The following TMEM39A variants were observed in gnomAD, a reference collection of about 807,000 sequenced individuals.
TMEM39A encodes transmembrane protein 39A, also known as suppressor of SQST-1 aggregates in rpl-43 mutants.
In TMEM39A, 19 loss-of-function variants were observed where a neutral mutation model predicts 51.9. That is an observed-to-expected ratio of 0.37 (90% CI 0.26 to 0.54). The LOEUF (loss-of-function observed/expected upper bound fraction) is 0.54, where lower values mean the gene tolerates loss of function less well. TMEM39A is among the 20% of genes least tolerant of loss of function. The pLI, the probability that TMEM39A is intolerant of heterozygous loss-of-function variation, is 0.88. For missense variants in TMEM39A, 433 were observed against 590.5 expected (o/e 0.73, Z 2.76); for synonymous variants, 197 against 220.2 (o/e 0.89, Z 0.93).
At chr3:119,438,368 A>G (rs1444093179) in intron 5 of TMEM39A, among the ~76,000 whole-genome samples, 3 of 152,222 alleles carry the variant, frequency 2.0e-5, no homozygotes, top group Non-Finnish European at 2.9e-5. Flanking sequence ...ACTTAGCAAT[A>G]ATCATTTTTA....
intron 2 of TMEM39A, among the ~76,000 whole-genome samples, 169 bp downstream of exon 2, chr3:119,461,793 A>C (rs1394474034): frequency 6.6e-6 from 1 of 152,168 alleles, no homozygotes; most frequent in Non-Finnish European, 1.5e-5. Flanking sequence ...ACATCTTTTT[A>C]CCTCCAAAGT....
chr3:119,462,009 C>G lies in TMEM39A; in HGVS notation c.66G>C (p.Gln22His). 6.2e-7 allele frequency: 1 copy of G among 1,614,212 alleles called. No individual in the cohort carries two copies. The highest frequency in any genetic ancestry group is 1.3e-5 in the African/African-American group (1 of 75,064). The change falls in exon 2 of 9, where the codon CAG (glutamine) becomes CAC (histidine). Residue 22 changes from glutamine (Q) to histidine (H), a missense_variant. Physicochemically the swap from Gln to His is conservative, Grantham distance 24. Transcript: ENST00000319172. ...QLSRSALPSL[Q>H]TLVGGGCGNG... is the part of the protein sequence containing the mutation. ...TGCCACAGCCTCCACCAACCAAAGTCTGCAAAGAAGGTAAAGCTGAACGGC... is the reference window on the plus strand; with the variant it reads ...TGCCACAGCCTCCACCAACCAAAGTGTGCAAAGAAGGTAAAGCTGAACGGC...
chr3:119,455,537 C>T (rs2081253032), intron 3 of TMEM39A, among the ~76,000 whole-genome samples: 1 of 152,174 alleles, frequency 6.6e-6, no homozygotes, highest in African/African-American at 2.4e-5. Flanking sequence ...GTTCTGTCAA[C>T]CACAGGCATC....
In TMEM39A at chr3:119,431,941, A is replaced by G. The variant is rs747578867; in HGVS notation, c.*40T>C. The G allele has an allele frequency of 4.5e-6, 6 of 1,339,750 alleles. No individual in the cohort carries two copies. The highest frequency in any genetic ancestry group is 1.6e-5 in the South Asian group (1 of 63,408). The allele number at this position is 1,339,750 out of a possible 1,614,324, so 83.0% of individuals were successfully genotyped here. A position where few individuals can be genotyped will look rare whatever the true frequency, so the allele number is the denominator to read the frequency against. The stretch of plus-strand genomic sequence containing the variant: ...CAAGAAAAAAATAGAACGTATGAAA[A>G]TATTTTTATCTGAGTTCTCCCTCAT... On this transcript the variant is annotated 3_prime_UTR_variant, in exon 9 of 9. Coordinates refer to ENST00000319172, the MANE Select transcript of TMEM39A (RefSeq NM_018266.3).
In TMEM39A at chr3:119,434,843, C is replaced by T. The variant is rs1238052904; in HGVS notation, c.1152G>A (p.Val384=). The T allele has an allele frequency of 1.2e-6, 2 of 1,613,742 alleles. No homozygotes were observed. Among genetic ancestry groups the T allele is most frequent in the Non-Finnish European group, 1.7e-6 (2 of 1,179,692 alleles). ...ENTIWPQGVL[V]RHSRCLYRAM... ...CTCTATATAAACATCTGCTGTGCCGCACCAGCACCCCTTGAGGCCATATTG... is the reference window on the plus strand; with the variant it reads ...CTCTATATAAACATCTGCTGTGCCGTACCAGCACCCCTTGAGGCCATATTG... Residue 384 remains valine (V), a synonymous_variant, in exon 8 of 9, where the codon GTG becomes GTA. Coordinates refer to ENST00000319172, the MANE Select transcript of TMEM39A (RefSeq NM_018266.3).
chr3:119,436,924 T>C lies in TMEM39A; in HGVS notation c.979A>G (p.Ile327Val), dbSNP rs1021637407. Residue 327 changes from isoleucine to valine, a missense_variant, in exon 7 of 9, where the codon ATC (isoleucine) becomes GTC (valine). Coordinates refer to ENST00000319172, the MANE Select transcript of TMEM39A (RefSeq NM_018266.3). ...GTGGTGAGCATGACAAAAGCATTGATCCACACCATAATGAGGTGCTCACAT... is the reference window on the plus strand; with the variant it reads ...GTGGTGAGCATGACAAAAGCATTGACCCACACCATAATGAGGTGCTCACAT... ...WSCEHLIMVW[I>V]NAFVMLTTQL... 6.2e-7 allele frequency: 1 copy of C among 1,613,934 alleles called. No individual in the cohort carries two copies. The highest frequency in any genetic ancestry group is 8.5e-7 in the Non-Finnish European group (1 of 1,179,890).
rs2080991888 is a variant in TMEM39A at position 119,437,786 on chromosome 3, T to C, written c.893A>G (p.Tyr298Cys). Reference sequence around the variant, plus strand: ...AAAACACAGGGGGAGAAATGCAACATAGTAGGCACTGAAGAGGGAGTTGAA... The same window carrying C: ...AAAACACAGGGGGAGAAATGCAACACAGTAGGCACTGAAGAGGGAGTTGAA... The part of the protein sequence containing the change: ...VLFNSLFSAY[Y>C]VAFLPLCFVK... The change falls in exon 6 of 9, where the codon TAT (tyrosine) becomes TGT (cysteine). Residue 298 changes from tyrosine to cysteine, a missense_variant. This residue lies in a region of TMEM39A where 223 missense variants were observed against 328.1 expected (regional missense o/e 0.68). Transcript: ENST00000319172. The C allele has an allele frequency of 1.7e-5, 27 of 1,577,514 alleles. No homozygotes were observed. The highest frequency in any genetic ancestry group is 2.2e-5 in the Non-Finnish European group (25 of 1,155,530).
chr3:119,453,694 A>C (rs937692368), intron 3 of TMEM39A, among the ~76,000 whole-genome samples: 41 of 152,174 alleles, frequency 2.7e-4, no homozygotes, highest in Admixed American at 2.5e-3. Flanking sequence ...AAGAGCAATA[A>C]ATACAAAGAG....
chr3:119,437,638 C>G (rs574861305), intron 6 of TMEM39A, 117 bp downstream of exon 6: 1 of 822,450 alleles, frequency 1.2e-6, no homozygotes, highest in East Asian at 2.7e-5. Flanking sequence ...CAGCCGAACT[C>G]CACCATCCAG....
chr3:119,434,698 C>A, intron 8 of TMEM39A, 64 bp downstream of exon 8: 3 of 1,590,954 alleles, frequency 1.9e-6, no homozygotes, highest in South Asian at 2.3e-5. Flanking sequence ...CATGCTTCCA[C>A]ATAGAGTGGC....
intron 3 of TMEM39A, among the ~76,000 whole-genome samples, chr3:119,455,405 G>A (rs1378841155): frequency 6.6e-6 from 1 of 152,230 alleles, no homozygotes; most frequent in Non-Finnish European, 1.5e-5. Flanking sequence ...ATGTGCATCA[G>A]ATAAGTGAGC....
Position 119,436,788 on chromosome 3 carries a change from C to T in TMEM39A, c.1112+3G>A, listed in dbSNP as rs762196253. ...ACATGGTTTTACCCTCTAGCTTACT[C>T]ACATGTGCTGTGGAGCATTGCTGTA... On this transcript the variant is annotated splice_donor_region_variant and intron_variant, in intron 7 of 8. Coordinates refer to ENST00000319172, the MANE Select transcript of TMEM39A (RefSeq NM_018266.3). 4.3e-6 allele frequency: 7 copies of T among 1,609,360 alleles called. No homozygotes were observed. The Middle Eastern group carries it at 6.9e-4, about 159-fold the overall frequency.
intron 5 of TMEM39A, among the ~76,000 whole-genome samples, chr3:119,444,473 T>C (rs2107671750): frequency 6.6e-6 from 1 of 152,308 alleles, no homozygotes; most frequent in East Asian, 1.9e-4. Context: ...AGTTGATGAG[T>C]GACTTAAATA....
chr3:119,437,043 G>A (rs1236824004), intron 6 of TMEM39A, 65 bp from the exon 7 acceptor site: 1 of 1,465,998 alleles, frequency 6.8e-7, no homozygotes, highest in Non-Finnish European at 9.4e-7. Flanking sequence ...GGATGGGTTG[G>A]TGTACATATG....
chr3:119,440,439 G>A (rs2081036449), intron 5 of TMEM39A, among the ~76,000 whole-genome samples: 1 of 152,172 alleles, frequency 6.6e-6, no homozygotes, highest in Admixed American at 6.5e-5. Context: ...AAAATGAAAT[G>A]GAGGGGAACA....
rs1347433002 is a variant in TMEM39A at position 119,436,933 on chromosome 3, T to C, written c.970A>G (p.Met324Val). ...ATGACAAAAGCATTGATCCACACCA[T>C]AATGAGGTGCTCACATGACCAGCGC... Reference protein sequence around the residue: ...DMRWSCEHLIMVWINAFVMLT... With the variant: ...DMRWSCEHLIVVWINAFVMLT... The change falls in exon 7 of 9, where the codon ATG (methionine) becomes GTG (valine). Residue 324 changes from methionine (M) to valine (V), a missense_variant. Met to Val is a conservative substitution (Grantham distance 21, BLOSUM62 1). Coordinates refer to ENST00000319172, the MANE Select transcript of TMEM39A (RefSeq NM_018266.3). 1.9e-6 allele frequency: 3 copies of C among 1,613,848 alleles called. No individual in the cohort carries two copies. The highest frequency in any genetic ancestry group is 2.5e-6 in the Non-Finnish European group (3 of 1,179,880).
intron 4 of TMEM39A, among the ~76,000 whole-genome samples, chr3:119,449,457 C>G (rs2081170227): frequency 6.6e-6 from 1 of 151,852 alleles, no homozygotes; most frequent in African/African-American, 2.4e-5. Context: ...GCCTGTAATC[C>G]CAGCTACTTG....
At chr3:119,438,822 C>T (rs1268686177) in intron 5 of TMEM39A, among the ~76,000 whole-genome samples, 2 of 152,130 alleles carry the variant, frequency 1.3e-5, no homozygotes, top group African/African-American at 2.4e-5. Context: ...CTCCCACAGG[C>T]GACCCTTCTT....
At chr3:119,443,463 C>G (rs1393867929) in intron 5 of TMEM39A, among the ~76,000 whole-genome samples, 2 of 152,200 alleles carry the variant, frequency 1.3e-5, no homozygotes, top group African/African-American at 4.8e-5. Flanking sequence ...CCACCCTGAT[C>G]AGTCAGCAGC....
Sources: gnomAD v4.1 joint callset for allele counts (sites outside exome capture counted in the v4.1 genomes callset) on GRCh38, gnomAD v4.1.1 for gene constraint, gnomAD v4.1.1 regional missense constraint, MANE v1.5 for transcripts, NCBI Gene and HGNC (gene_info 2026-07-23, HGNC 2026-07-21) for gene names.